Variants in ARHGAP26 observed in about 807,000 individuals in gnomAD.
ARHGAP26 encodes Rho GTPase activating protein 26, also known as rho GTPase-activating protein 26.
Under a neutral mutation model 104.8 loss-of-function variants are expected in ARHGAP26, and 38 were observed. The ratio of observed to expected loss-of-function variants is 0.36; its 90% confidence interval spans 0.28 to 0.48. The LOEUF is 0.48. ARHGAP26 is among the 20% of genes least tolerant of loss of function. The pLI, the probability that ARHGAP26 is intolerant of heterozygous loss-of-function variation, is 0.99. For synonymous variants in ARHGAP26, 341 were observed against 340.0 expected (o/e 1.00, Z -0.03); for missense variants, 704 against 947.9 (o/e 0.74, Z 3.38).
intron 17 of ARHGAP26, among the ~76,000 whole-genome samples, chr5:143,082,755 C>T (rs1598930956): frequency 1.3e-5 from 2 of 152,288 alleles, no homozygotes; most frequent in African/African-American, 4.8e-5. Flanking sequence ...TTAGACATAC[C>T]TCTCCTTCTA....
intron 1 of ARHGAP26, among the ~76,000 whole-genome samples, chr5:142,790,603 C>T (rs1279179283): frequency 6.6e-6 from 1 of 152,198 alleles, no homozygotes; most frequent in East Asian, 1.9e-4. Flanking sequence ...ATGGTTCATG[C>T]GGCCTTGTAT....
chr5:143,147,985 A>G lies in ARHGAP26; in HGVS notation c.1988+604A>G, dbSNP rs76330895. On this transcript the variant is annotated intron_variant, in intron 20 of 22. Transcript: ENST00000645722. ...TTGGGGGCTGGTTGTCTAGCCCTCC[A>G]CAGAAACTAGGTCTACTCTGCTAGG... is the stretch of plus-strand genomic sequence containing the variant. Among the ~76,000 whole-genome samples the G allele has an allele frequency of 3.6e-3, 549 of 152,324 alleles. 3 individuals are homozygous for G. Among genetic ancestry groups the G allele is most frequent in the African/African-American group, 0.013 (540 of 41,554 alleles).
rs1333826585 is a variant in ARHGAP26 at position 143,228,376 on chromosome 5, A to G, written c.*5930A>G. 9.0e-6 allele frequency: 2 copies of G among 222,684 alleles called. No homozygotes were observed. The highest frequency in any genetic ancestry group is 1.8e-5 in the Non-Finnish European group (2 of 111,530). 13.8% of individuals were successfully genotyped at this position (222,684 alleles called of 1,614,324 possible). On this transcript the variant is annotated 3_prime_UTR_variant, in exon 23 of 23. Coordinates refer to ENST00000645722, the MANE Select transcript of ARHGAP26 (RefSeq NM_001135608.3). ...GGAGGTTGAGAATTAGAGACACAAG[A>G]GAGGCTGTGGATGGCCTATTAAAAT...
At chr5:142,858,452 C>T (rs1335246910) in intron 1 of ARHGAP26, among the ~76,000 whole-genome samples, 2 of 151,952 alleles carry the variant, frequency 1.3e-5, no homozygotes, top group African/African-American at 2.4e-5. Flanking sequence ...TTTTGTGTGT[C>T]GTGAAGGAGT....
At chr5:143,201,874 A>G (rs1807796026) in intron 20 of ARHGAP26, among the ~76,000 whole-genome samples, 1 of 152,216 alleles carries the variant, frequency 6.6e-6, no homozygotes, top group Non-Finnish European at 1.5e-5. Flanking sequence ...CAAAAGGCAT[A>G]ATTCCTTTAG....
At chr5:143,171,292 A>G (rs990793719) in intron 20 of ARHGAP26, among the ~76,000 whole-genome samples, 2 of 152,216 alleles carry the variant, frequency 1.3e-5, no homozygotes, top group African/African-American at 4.8e-5. Context: ...AAGGTCACAG[A>G]AAGCAGCAGT....
At chr5:143,045,327 C>T (rs575072780) in intron 14 of ARHGAP26, among the ~76,000 whole-genome samples, 6 of 152,230 alleles carry the variant, frequency 3.9e-5, no homozygotes, top group Non-Finnish European at 8.8e-5. Flanking sequence ...AAGATGACCA[C>T]AGTGTAACAT....
intron 1 of ARHGAP26, among the ~76,000 whole-genome samples, chr5:142,841,389 G>A (rs760383843): frequency 3.3e-5 from 5 of 152,180 alleles, no homozygotes; most frequent in Non-Finnish European, 7.3e-5. Context: ...AGATATATTA[G>A]GACAAATCCA....
At chr5:142,880,720 TCTTA>T (rs34965826) in intron 4 of ARHGAP26, among the ~76,000 whole-genome samples, 13,842 of 152,172 alleles carry the variant, frequency 0.091, 1,739 homozygotes, top group African/African-American at 0.28. Context: ...AACACCACCC[TCTTA>T]CTTTGTGTGG....
chr5:142,807,317 T>A (rs1763170027), intron 1 of ARHGAP26, among the ~76,000 whole-genome samples: 2 of 152,202 alleles, frequency 1.3e-5, no homozygotes, highest in Admixed American at 1.3e-4. Flanking sequence ...ACTGACTGAA[T>A]GAGAGATGTA....
chr5:142,838,577 C>T (rs1298672424), intron 1 of ARHGAP26, among the ~76,000 whole-genome samples: 1 of 152,170 alleles, frequency 6.6e-6, no homozygotes, highest in Non-Finnish European at 1.5e-5. Context: ...TCATCTTGGA[C>T]AATAATGCCT....
At chr5:143,146,153 C>G (rs1007396984) in intron 19 of ARHGAP26, among the ~76,000 whole-genome samples, 2 of 152,128 alleles carry the variant, frequency 1.3e-5, no homozygotes, top group East Asian at 3.9e-4. Flanking sequence ...TATGGTATAT[C>G]TGTAATAAAT....
At chr5:143,189,336 G>A (rs1311068848) in intron 20 of ARHGAP26, among the ~76,000 whole-genome samples, 2 of 152,180 alleles carry the variant, frequency 1.3e-5, no homozygotes, top group African/African-American at 4.8e-5. Flanking sequence ...TTAAGACAGT[G>A]AGCCCTCAGC....
In ARHGAP26 at chr5:142,770,824, G is replaced by T. The variant is rs1755048087; in HGVS notation, c.63G>T (p.Thr21=). The T allele has an allele frequency of 1.2e-6, 2 of 1,609,760 alleles. No homozygotes were observed. The highest frequency in any genetic ancestry group is 2.7e-5 in the African/African-American group (2 of 74,604). Reference sequence around the variant, plus strand: ...TCGATAGTCCGCACTTCCGAGAGACGCTCAAGTCGCACGAAGCAGAGCTGG... The same window carrying T: ...TCGATAGTCCGCACTTCCGAGAGACTCTCAAGTCGCACGAAGCAGAGCTGG... ...CCLDSPHFRE[T]LKSHEAELDK... Residue 21 remains threonine (T), a synonymous_variant, in exon 1 of 23, where the codon ACG becomes ACT. Coordinates refer to ENST00000645722, the MANE Select transcript of ARHGAP26 (RefSeq NM_001135608.3).
chr5:143,053,452 C>T (rs1264421046), intron 14 of ARHGAP26, among the ~76,000 whole-genome samples: 1 of 152,132 alleles, frequency 6.6e-6, no homozygotes, highest in East Asian at 1.9e-4. Context: ...GACTCTGTGA[C>T]CCTCCCACCA....
rs938184479 is a variant in ARHGAP26, at chr5:143,115,275, G to A, written c.1539-5713G>A. On this transcript the variant is annotated intron_variant, in intron 17 of 22. Transcript: ENST00000645722. ...TTGAACCCAGGAGGCGGAGGTTGCA[G>A]TGAGCCAAGATCACGCCATTGCACT... 4.6e-5 allele frequency among the ~76,000 whole-genome samples: 7 copies of A among 152,132 alleles called. No individual in the cohort carries two copies. In the Middle Eastern group the frequency reaches 0.01, roughly 222 times the overall value.
chr5:142,785,444 G>A (rs1758385201), intron 1 of ARHGAP26, among the ~76,000 whole-genome samples: 1 of 152,180 alleles, frequency 6.6e-6, no homozygotes, highest in Non-Finnish European at 1.5e-5. Context: ...TGCCGAGGGG[G>A]CCTTTAGGCC....
chr5:142,902,031 A>T lies in ARHGAP26; in HGVS notation c.694A>T (p.Ile232Leu). The T allele has an allele frequency of 6.2e-7, 1 of 1,613,504 alleles. No individual in the cohort carries two copies. The highest frequency in any genetic ancestry group is 1.1e-5 in the South Asian group (1 of 91,074). The part of the protein sequence containing the change: ...GDFKTQLTIS[I>L]QNTRNRFEGT... The stretch of plus-strand genomic sequence containing the variant: ...CTTCAAGACACAGTTAACCATTAGC[A>T]TACAGAACGTGAGTGGGCATAGGGA... The change falls in exon 7 of 23, where the codon ATA becomes TTA. Residue 232 changes from isoleucine (I) to leucine (L), a missense_variant. Coordinates refer to ENST00000645722, the MANE Select transcript of ARHGAP26 (RefSeq NM_001135608.3).
At chr5:143,034,041 C>A (rs1782266409) in intron 12 of ARHGAP26, among the ~76,000 whole-genome samples, 1 of 152,144 alleles carries the variant, frequency 6.6e-6, no homozygotes, top group Non-Finnish European at 1.5e-5. Context: ...CAAGTCAAAA[C>A]CACAATGAGA....
Sources: gnomAD v4.1 joint callset for allele counts (sites outside exome capture counted in the v4.1 genomes callset) on GRCh38, gnomAD v4.1.1 for gene constraint, MANE v1.5 for transcripts, NCBI Gene and HGNC (gene_info 2026-07-23, HGNC 2026-07-21) for gene names.